The following SH3GL3 variants were observed in gnomAD, a reference collection of about 807,000 sequenced individuals.
SH3GL3 encodes the protein SH3 domain containing GRB2 like 3, endophilin A3, also known as endophilin-A3.
SH3GL3 carries 33 observed loss-of-function variants against 47.7 expected under a neutral mutation model. The observed-to-expected ratio is 0.69, with a 90% CI of 0.52 to 0.92. The LOEUF (loss-of-function observed/expected upper bound fraction) is 0.92, where lower values mean the gene tolerates loss of function less well. Ranked by LOEUF, SH3GL3 falls within the 40% of genes least tolerant of loss-of-function variation. The pLI is 0.00. For missense variants in SH3GL3, 363 were observed against 417.8 expected, an observed-to-expected ratio of 0.87 and a Z score of 1.14; for synonymous variants, 155 against 148.8, an observed-to-expected ratio of 1.04 and a Z score of -0.30.
At chr15:83,507,261 A>G (rs1193091594) in intron 1 of SH3GL3, among the ~76,000 whole-genome samples, 1 of 151,266 alleles carries the variant, frequency 6.6e-6, no homozygotes, top group Non-Finnish European at 1.5e-5. Flanking sequence ...GCCCACCTCG[A>G]CCTCCCAAAG....
At chr15:83,575,059 T>C (rs557032426) in intron 5 of SH3GL3, among the ~76,000 whole-genome samples, 1 of 152,326 alleles carries the variant, frequency 6.6e-6, no homozygotes, top group South Asian at 2.1e-4. Context: ...ATTTTTTTAA[T>C]TTTAATTTTT....
chr15:83,504,424 G>A (rs113375819), intron 1 of SH3GL3, among the ~76,000 whole-genome samples: 89 of 152,324 alleles, frequency 5.8e-4, no homozygotes, highest in Middle Eastern at 6.8e-3. Flanking sequence ...GTGGGCCAGT[G>A]CGACCAATAG....
At chr15:83,523,837 T>G (rs1394214461) in intron 1 of SH3GL3, among the ~76,000 whole-genome samples, 1 of 151,982 alleles carries the variant, frequency 6.6e-6, no homozygotes, top group African/African-American at 2.4e-5. Flanking sequence ...CAGTGAGGAT[T>G]CTTCTCCCTG....
At position 83,618,379 on chromosome 15, in the gene SH3GL3, C is replaced by T. The variant is rs1378460145; in HGVS notation, c.*92C>T. 3.9e-6 allele frequency: 3 copies of T among 768,590 alleles called. No individual in the cohort carries two copies. Among genetic ancestry groups the T allele is most frequent in the South Asian group, 1.5e-5 (1 of 65,554 alleles). The allele number at this position is 768,590 out of a possible 1,614,324, so 47.6% of individuals were successfully genotyped here. On this transcript the variant is annotated 3_prime_UTR_variant, in exon 9 of 9. Coordinates refer to ENST00000427482, the MANE Select transcript of SH3GL3 (RefSeq NM_003027.5). Reference sequence around the variant, plus strand: ...GCGGTGTTCTGTGACATCCTTTGCTCTCTGACCAACTTAATGACTTTTGTA... The same window carrying T: ...GCGGTGTTCTGTGACATCCTTTGCTTTCTGACCAACTTAATGACTTTTGTA...
chr15:83,496,087 A>G (rs1480491822), intron 1 of SH3GL3, among the ~76,000 whole-genome samples: 2 of 152,050 alleles, frequency 1.3e-5, no homozygotes, highest in Admixed American at 1.3e-4. Flanking sequence ...GGCCAGGTGC[A>G]GTAGCTCATG....
intron 1 of SH3GL3, among the ~76,000 whole-genome samples, chr15:83,546,191 C>A (rs2151711714): frequency 7.0e-6 from 1 of 142,774 alleles, no homozygotes; most frequent in East Asian, 2.2e-4. Flanking sequence ...CTGGGGGCTG[C>A]AGGAGTCTGC....
chr15:83,505,551 G>A (rs2042465076), intron 1 of SH3GL3, among the ~76,000 whole-genome samples: 1 of 133,216 alleles, frequency 7.5e-6, no homozygotes, highest in Admixed American at 7.8e-5. Context: ...TTTGAGAGAT[G>A]GAGTCTCACT....
At chr15:83,475,583 G>A (rs1183274926) in intron 1 of SH3GL3, among the ~76,000 whole-genome samples, 1 of 152,186 alleles carries the variant, frequency 6.6e-6, no homozygotes, top group African/African-American at 2.4e-5. Context: ...GTGTCACCAA[G>A]TGCATTTTCC....
chr15:83,501,725 C>A (rs573841225), intron 1 of SH3GL3, among the ~76,000 whole-genome samples: 1 of 152,138 alleles, frequency 6.6e-6, no homozygotes, highest in East Asian at 1.9e-4. Flanking sequence ...AACCCTGTTT[C>A]TACTAAAAAT....
chr15:83,568,566 G>A lies in SH3GL3; in HGVS notation c.225G>A (p.Ser75=), dbSNP rs773363764. Residue 75 remains serine, a synonymous_variant, in exon 4 of 9, where the codon TCG becomes TCA. Transcript: ENST00000427482. ...AGCTAGGAATGCTGAACACTGTGTC[G>A]AAGATCCGAGGGCAGGTGAAGACCA... is the stretch of plus-strand genomic sequence containing the variant. ...RAKLGMLNTV[S]KIRGQVKTTG... is the part of the protein sequence containing the mutation. 17 of 1,613,220 alleles carry A rather than the reference G, an allele frequency of 1.1e-5. No individual in the cohort carries two copies. The highest frequency in any genetic ancestry group is 2.7e-5 in the African/African-American group (2 of 74,870).
intron 8 of SH3GL3, among the ~76,000 whole-genome samples, chr15:83,600,542 G>C (rs1014936778): frequency 9.9e-5 from 15 of 152,112 alleles, no homozygotes; most frequent in African/African-American, 3.6e-4. Context: ...CTGTTCCATT[G>C]GTCTATGTGC....
chr15:83,467,220 A>G (rs2040609392), intron 1 of SH3GL3, among the ~76,000 whole-genome samples: 1 of 152,234 alleles, frequency 6.6e-6, no homozygotes, highest in Non-Finnish European at 1.5e-5. Context: ...TTTTTTTAAT[A>G]AAGTGTGAGA....
intron 1 of SH3GL3, among the ~76,000 whole-genome samples, chr15:83,464,973 C>T (rs193007356): frequency 0.012 from 1,680 of 145,804 alleles, 15 homozygotes; most frequent in Non-Finnish European, 0.015. Context: ...TGCACATGTA[C>T]CCTAGAACTT....
At chr15:83,486,133 C>T (rs1327257887) in intron 1 of SH3GL3, among the ~76,000 whole-genome samples, 1 of 152,212 alleles carries the variant, frequency 6.6e-6, no homozygotes, top group African/African-American at 2.4e-5. Context: ...ATTCAAATTT[C>T]TCTAATATTC....
chr15:83,607,497 G>T (rs2060549215), intron 8 of SH3GL3, among the ~76,000 whole-genome samples: 1 of 152,188 alleles, frequency 6.6e-6, no homozygotes, highest in Non-Finnish European at 1.5e-5. Context: ...CTGACTCTAA[G>T]CTTCCAAGTC....
At chr15:83,546,723 A>G (rs2044418496) in intron 1 of SH3GL3, among the ~76,000 whole-genome samples, 1 of 151,008 alleles carries the variant, frequency 6.6e-6, no homozygotes, top group South Asian at 2.1e-4. Context: ...TTCAAGGCCC[A>G]GGGGTGTTTA....
chr15:83,550,473 T>G (rs1365773133), intron 1 of SH3GL3, among the ~76,000 whole-genome samples: 1 of 152,172 alleles, frequency 6.6e-6, no homozygotes, highest in Non-Finnish European at 1.5e-5. Flanking sequence ...TCACCGCACC[T>G]CCACCTCCTG....
intron 1 of SH3GL3, among the ~76,000 whole-genome samples, chr15:83,503,793 T>C (rs2042381953): frequency 1.3e-5 from 2 of 152,220 alleles, no homozygotes; most frequent in African/African-American, 4.8e-5. Flanking sequence ...AGTTGCTGAG[T>C]CAGCACTGGA....
intron 1 of SH3GL3, among the ~76,000 whole-genome samples, chr15:83,504,562 ACACT>A (rs1294274134): frequency 5.3e-5 from 8 of 152,208 alleles, no homozygotes; most frequent in Admixed American, 5.2e-4. Flanking sequence ...TGTCTTGACG[ACACT>A]CAGGCAGCCC....
Sources: gnomAD v4.1 joint callset for allele counts (sites outside exome capture counted in the v4.1 genomes callset) on GRCh38, gnomAD v4.1.1 for gene constraint, MANE v1.5 for transcripts, NCBI Gene and HGNC (gene_info 2026-07-23, HGNC 2026-07-21) for gene names.